VPS13B: variants seen among roughly 807,000 people sequenced by gnomAD.
VPS13B encodes the protein vacuolar protein sorting 13 homolog B.
VPS13B carries 285 observed loss-of-function variants against 426.4 expected under a neutral mutation model. The ratio of observed to expected loss-of-function variants is 0.67; its 90% CI spans 0.61 to 0.74. The LOEUF is 0.74. Ranked by LOEUF, VPS13B falls within the 30% of genes least tolerant of loss-of-function variation. The pLI is 0.00. For missense variants in VPS13B, 4,537 were observed against 4,782.6 expected (o/e 0.95, Z 1.51); for synonymous variants, 1,676 against 1,676.4 (o/e 1.00, Z 0.01).
At chr8:99,399,930 TGA>T (rs964167012) in intron 21 of VPS13B, among the ~76,000 whole-genome samples, 7 of 152,192 alleles carry the variant, frequency 4.6e-5, no homozygotes, top group African/African-American at 1.4e-4. Context: ...ATCGTTTTCT[TGA>T]GAGAGTAGCA....
Position 99,135,773 on chromosome 8 carries a change from T to C in VPS13B, c.1563+40T>C. ...ATTTGAACCAAATTCTAGGCTGTGT[T>C]TGGGTGGACACATTGTATGAATACT... On this transcript the variant is annotated intron_variant, in intron 11 of 61. Transcript: ENST00000357162. 4 of 1,611,362 alleles carry C rather than the reference T, an allele frequency of 2.5e-6. No individual in the cohort carries two copies. In the East Asian group the frequency reaches 8.9e-5, roughly 36 times the overall value.
At chr8:99,730,546 C>T (rs931111238) in intron 39 of VPS13B, among the ~76,000 whole-genome samples, 1 of 152,010 alleles carries the variant, frequency 6.6e-6, no homozygotes, top group African/African-American at 2.4e-5. Flanking sequence ...TCTAGGAATA[C>T]ATTAAAAAGA....
At chr8:99,584,572 CT>C (rs1051350391) in intron 33 of VPS13B, among the ~76,000 whole-genome samples, 2 of 152,084 alleles carry the variant, frequency 1.3e-5, no homozygotes, top group Non-Finnish European at 2.9e-5. Flanking sequence ...GCCCTCTAGG[CT>C]TTTATAATCT....
chr8:99,699,679 G>A lies in VPS13B; in HGVS notation c.6201G>A (p.Lys2067=). The stretch of plus-strand genomic sequence containing the variant: ...CCATGTCCAACACCATGGTGAATAA[G>A]GATGATCTTCCAGTCTCCAAATATT... ...TSAMSNTMVN[K]DDLPVSKYYR... Residue 2067 remains lysine (K), a synonymous_variant, in exon 36 of 62, where the codon AAG becomes AAA. Coordinates refer to ENST00000357162, the MANE Select transcript of VPS13B (RefSeq NM_152564.5). 6.2e-7 allele frequency: 1 copy of A among 1,614,124 alleles called. No individual in the cohort carries two copies. Among genetic ancestry groups the A allele is most frequent in the African/African-American group, 1.3e-5 (1 of 75,032 alleles).
chr8:99,090,662 T>G (rs537045631), intron 3 of VPS13B, among the ~76,000 whole-genome samples: 1 of 152,002 alleles, frequency 6.6e-6, no homozygotes, highest in African/African-American at 2.4e-5. Flanking sequence ...ATTTTACTAC[T>G]TTTTTTAAAT....
At chr8:99,841,304 G>A (rs1209861021) in intron 54 of VPS13B, among the ~76,000 whole-genome samples, 1 of 152,082 alleles carries the variant, frequency 6.6e-6, no homozygotes, top group Non-Finnish European at 1.5e-5. Flanking sequence ...TACTCCCAGT[G>A]TACAAATCTG....
chr8:99,106,873 G>A (rs1240735850), intron 5 of VPS13B, among the ~76,000 whole-genome samples: 1 of 152,206 alleles, frequency 6.6e-6, no homozygotes, highest in Non-Finnish European at 1.5e-5. Flanking sequence ...GTGGGATGGC[G>A]AGTTTGCAGG....
intron 3 of VPS13B, among the ~76,000 whole-genome samples, chr8:99,074,391 C>A (rs1031874861): frequency 6.6e-6 from 1 of 151,180 alleles, no homozygotes; most frequent in African/African-American, 2.4e-5. Context: ...TCCTTTCATC[C>A]CTTAAGTAAA....
rs757648498 is a variant in VPS13B, at chr8:99,853,712, T to G, written c.10323T>G (p.Phe3441Leu). The G allele has an allele frequency of 2.2e-5, 35 of 1,614,144 alleles. No individual in the cohort carries two copies. The highest frequency in any genetic ancestry group is 2.9e-5 in the Non-Finnish European group (34 of 1,180,062). The change falls in exon 56 of 62, where the codon TTT becomes TTG. Residue 3441 changes from phenylalanine to leucine, a missense_variant. Phe to Leu is a conservative substitution (Grantham distance 22). Coordinates refer to ENST00000357162, the MANE Select transcript of VPS13B (RefSeq NM_152564.5). ...TTTATAACAAGTCCAATTTCCACTTTGCTGTCTTAGTCTGCCAGGGAGAAA... is the reference window on the plus strand; with the variant it reads ...TTTATAACAAGTCCAATTTCCACTTGGCTGTCTTAGTCTGCCAGGGAGAAA... ...NQLYNKSNFH[F>L]AVLVCQGEKA...
intron 49 of VPS13B, among the ~76,000 whole-genome samples, chr8:99,820,783 G>A (rs1814314050): frequency 6.6e-6 from 1 of 152,008 alleles, no homozygotes; most frequent in African/African-American, 2.4e-5. Flanking sequence ...ATGTCTTTCT[G>A]ATAGAGAACA....
intron 23 of VPS13B, among the ~76,000 whole-genome samples, chr8:99,447,384 G>A (rs1374406901): frequency 6.6e-6 from 1 of 152,142 alleles, no homozygotes; most frequent in Non-Finnish European, 1.5e-5. Flanking sequence ...TATAAAGAAG[G>A]GAAGAGCAGA....
chr8:99,478,447 G>GTTTTTTTTTTTTTTTTTTT (rs56261645), intron 24 of VPS13B, among the ~76,000 whole-genome samples: 16 of 85,752 alleles, frequency 1.9e-4, no homozygotes, highest in African/African-American at 3.0e-4. Context: ...TTTTTGTTTT[G>GTTTTTTTTTTTTTTTTTTT]TTTTTTTTTT....
intron 56 of VPS13B, among the ~76,000 whole-genome samples, chr8:99,855,748 G>T (rs1447092883): frequency 6.6e-6 from 1 of 152,170 alleles, no homozygotes; most frequent in African/African-American, 2.4e-5. Context: ...ACTTACTAGG[G>T]TTATCTAGAC....
intron 39 of VPS13B, among the ~76,000 whole-genome samples, chr8:99,739,233 A>G (rs1833963907): frequency 1.3e-5 from 2 of 152,216 alleles, no homozygotes; most frequent in Admixed American, 1.3e-4. Flanking sequence ...TTGCTAGCAC[A>G]GCAGTCTGAG....
chr8:99,859,818 A>G (rs965381204), intron 57 of VPS13B, among the ~76,000 whole-genome samples: 9 of 152,218 alleles, frequency 5.9e-5, no homozygotes, highest in Admixed American at 5.9e-4. Context: ...GAAACCCTAC[A>G]CTGTGTTGCC....
intron 57 of VPS13B, among the ~76,000 whole-genome samples, chr8:99,861,055 T>C (rs943038659): frequency 1.3e-5 from 2 of 152,360 alleles, no homozygotes; most frequent in Admixed American, 1.3e-4. Flanking sequence ...TTTATAATCT[T>C]TCTAAAACTT....
intron 29 of VPS13B, among the ~76,000 whole-genome samples, chr8:99,513,738 G>A (rs965780058): frequency 6.6e-6 from 1 of 152,156 alleles, no homozygotes; most frequent in African/African-American, 2.4e-5. Flanking sequence ...CGAACCAAAT[G>A]TGTATGATTC....
intron 22 of VPS13B, among the ~76,000 whole-genome samples, chr8:99,441,567 G>A (rs1817677355): frequency 6.6e-6 from 1 of 152,014 alleles, no homozygotes; most frequent in African/African-American, 2.4e-5. Flanking sequence ...GAGATACACA[G>A]TATTACTTTA....
chr8:99,064,246 G>A, intron 3 of VPS13B, among the ~76,000 whole-genome samples: 1 of 152,164 alleles, frequency 6.6e-6, no homozygotes, highest in East Asian at 1.9e-4. Context: ...AAAGCTGGAT[G>A]GGGAATGACT....
Sources: allele counts gnomAD v4.1 joint callset (sites outside exome capture counted in the v4.1 genomes callset), GRCh38; gene constraint gnomAD v4.1.1; transcripts MANE v1.5; gene names NCBI Gene and HGNC (gene_info 2026-07-23, HGNC 2026-07-21).